IGF1R: variants seen among roughly 807,000 people sequenced by gnomAD.
IGF1R encodes insulin-like growth factor 1 receptor.
In IGF1R, 44 loss-of-function variants were observed where a neutral mutation model predicts 144.6. That is an observed-to-expected ratio of 0.30 (90% CI 0.24 to 0.39). The LOEUF (loss-of-function observed/expected upper bound fraction) is 0.39, where lower values mean the gene tolerates loss of function less well. Among genes scored for constraint, IGF1R ranks in the 10% least tolerant of loss-of-function variants. IGF1R has a pLI of 1.00. For synonymous variants in IGF1R, 795 were observed against 722.8 expected (o/e 1.10, Z -1.60); for missense variants, 1,355 against 1,833.7 (o/e 0.74, Z 4.77).
intron 2 of IGF1R, among the ~76,000 whole-genome samples, chr15:98,809,239 T>C (rs745615368): frequency 6.6e-6 from 1 of 152,244 alleles, no homozygotes; most frequent in Non-Finnish European, 1.5e-5. Context: ...AGAGATTTGC[T>C]GTCTGGCTAG....
chr15:98,857,083 G>C (rs1032526061), intron 2 of IGF1R, among the ~76,000 whole-genome samples: 9 of 152,090 alleles, frequency 5.9e-5, no homozygotes, highest in Non-Finnish European at 1.2e-4. Flanking sequence ...GCTTAGGAGA[G>C]AATGTATACT....
intron 2 of IGF1R, among the ~76,000 whole-genome samples, chr15:98,747,854 CTG>C (rs529620975): frequency 6.6e-6 from 1 of 151,690 alleles, no homozygotes. Context: ...TGGGAAATGA[CTG>C]TTAAAAATAC....
At chr15:98,850,013 A>T (rs891652426) in intron 2 of IGF1R, among the ~76,000 whole-genome samples, 8 of 152,216 alleles carry the variant, frequency 5.3e-5, no homozygotes, top group Admixed American at 5.2e-4. Flanking sequence ...GTATTCTTTG[A>T]CCCACCAATC....
chr15:98,787,791 GA>G (rs1387426105), intron 2 of IGF1R, among the ~76,000 whole-genome samples: 1 of 152,134 alleles, frequency 6.6e-6, no homozygotes, highest in Non-Finnish European at 1.5e-5. Context: ...GAAAGAATTG[GA>G]ACACTCAGCT....
At chr15:98,899,932 A>G (rs3743259) in intron 5 of IGF1R, among the ~76,000 whole-genome samples, 53,772 of 152,018 alleles carry the variant, frequency 0.35, 10,021 homozygotes, top group East Asian at 0.56. Context: ...TCTGCCAAGA[A>G]TGACAGCAGT....
chr15:98,957,419 C>A lies in IGF1R; in HGVS notation c.4081C>A (p.Leu1361Met). 6.2e-7 allele frequency: 1 copy of A among 1,613,190 alleles called. No individual in the cohort carries two copies. Among genetic ancestry groups the A allele is most frequent in the Non-Finnish European group, 8.5e-7 (1 of 1,180,052 alleles). ...CCGCAAGAACGAGCGGGCCTTGCCGCTGCCCCAGTCTTCGACCTGCTGATC... is the reference window on the plus strand; with the variant it reads ...CCGCAAGAACGAGCGGGCCTTGCCGATGCCCCAGTCTTCGACCTGCTGATC... ...GGRKNERALP[L>M]PQSSTC is the part of the protein sequence containing the mutation. Residue 1361 changes from leucine (L) to methionine (M), a missense_variant, in exon 21 of 21, where the codon CTG (leucine) becomes ATG (methionine). Leu to Met is a conservative substitution (Grantham distance 15). This residue lies in a region of IGF1R where 219 missense variants were observed against 188.8 expected (regional missense o/e 1.16). Transcript: ENST00000650285.
intron 2 of IGF1R, among the ~76,000 whole-genome samples, chr15:98,715,504 T>G (rs1249621712): frequency 1.3e-5 from 2 of 152,250 alleles, no homozygotes; most frequent in African/African-American, 4.8e-5. Flanking sequence ...CTTCCTGTGC[T>G]TGAAAAGCCT....
At chr15:98,932,312 G>A (rs2015975722) in intron 15 of IGF1R, among the ~76,000 whole-genome samples, 1 of 152,182 alleles carries the variant, frequency 6.6e-6, no homozygotes, top group African/African-American at 2.4e-5. Flanking sequence ...GCAACAAAAT[G>A]ACATTGCAGT....
At chr15:98,747,236 A>G (rs1306371590) in intron 2 of IGF1R, among the ~76,000 whole-genome samples, 1 of 151,956 alleles carries the variant, frequency 6.6e-6, no homozygotes, top group Non-Finnish European at 1.5e-5. Flanking sequence ...CACTCTTGTC[A>G]CCCAGGCTGG....
chr15:98,736,086 A>C (rs1367201657), intron 2 of IGF1R, among the ~76,000 whole-genome samples: 1 of 152,232 alleles, frequency 6.6e-6, no homozygotes, highest in Non-Finnish European at 1.5e-5. Context: ...TTTATTAAAA[A>C]GAAAAACAAT....
intron 5 of IGF1R, among the ~76,000 whole-genome samples, chr15:98,907,054 G>C (rs536837709): frequency 1.3e-4 from 20 of 152,300 alleles, no homozygotes; most frequent in African/African-American, 4.6e-4. Context: ...GATGTCACCT[G>C]TGCATTCCCC....
chr15:98,845,776 T>G (rs1175081428), intron 2 of IGF1R, among the ~76,000 whole-genome samples: 2 of 152,082 alleles, frequency 1.3e-5, no homozygotes, highest in East Asian at 3.9e-4. Context: ...AATTCTTGTT[T>G]GCCCATAAGT....
At chr15:98,832,280 G>A (rs2057015906) in intron 2 of IGF1R, among the ~76,000 whole-genome samples, 1 of 152,178 alleles carries the variant, frequency 6.6e-6, no homozygotes, top group Admixed American at 6.5e-5. Context: ...GTTAAGAGGT[G>A]TCTTAAAACA....
chr15:98,712,288 T>C (rs1269409328), intron 2 of IGF1R, among the ~76,000 whole-genome samples: 2 of 152,198 alleles, frequency 1.3e-5, no homozygotes, highest in Non-Finnish European at 1.5e-5. Flanking sequence ...CCAGGACTTG[T>C]CATTCATATC....
chr15:98,914,767 G>A (rs1330704626), intron 8 of IGF1R, among the ~76,000 whole-genome samples: 2 of 151,862 alleles, frequency 1.3e-5, no homozygotes, highest in Non-Finnish European at 2.9e-5. Context: ...TTTGTCCTCT[G>A]TCCTTACACG....
In IGF1R at chr15:98,891,935, G is replaced by C. The variant is rs1476081475; in HGVS notation, c.953+298G>C. Reference sequence around the variant, plus strand: ...TACCCAGAGTTCATAGTCTCTCTGGGTACTTGCCAAGCTGCCATCTAAGAG... The same window carrying C: ...TACCCAGAGTTCATAGTCTCTCTGGCTACTTGCCAAGCTGCCATCTAAGAG... On this transcript the variant is annotated intron_variant, in intron 3 of 20. Transcript: ENST00000650285. The surrounding 1 kb of genome is among the most constrained non-coding windows in gnomAD (Gnocchi z 4.7). Among the ~76,000 whole-genome samples the C allele has an allele frequency of 1.3e-5, 2 of 152,146 alleles. No individual in the cohort carries two copies.
intron 2 of IGF1R, among the ~76,000 whole-genome samples, chr15:98,869,791 C>A (rs772239943): frequency 2.6e-5 from 4 of 152,212 alleles, no homozygotes; most frequent in Admixed American, 2.6e-4. Context: ...TATGTGCACA[C>A]CTGCCTCCCC....
chr15:98,887,097 T>C (rs537520811), intron 2 of IGF1R, among the ~76,000 whole-genome samples: 2 of 152,246 alleles, frequency 1.3e-5, no homozygotes, highest in East Asian at 3.9e-4. Flanking sequence ...AAGAAGTTGC[T>C]CTGTATATAA....
Position 98,957,534 on chromosome 15 carries a change from C to T in IGF1R, c.*92C>T, listed in dbSNP as rs1047491214. ...AGAGTTTTAACAATCCATTCACAAG[C>T]CTCCTGTACCTCAGTGGATCTTCAG... On this transcript the variant is annotated 3_prime_UTR_variant, in exon 21 of 21. Transcript: ENST00000650285. 3 of 1,510,364 alleles carry T rather than the reference C, an allele frequency of 2.0e-6. No individual in the cohort carries two copies. Among genetic ancestry groups the T allele is most frequent in the Non-Finnish European group, 2.7e-6 (3 of 1,095,990 alleles). 93.6% of individuals were successfully genotyped at this position (1,510,364 alleles called of 1,614,324 possible).
Sources: allele counts gnomAD v4.1 joint callset (sites outside exome capture counted in the v4.1 genomes callset), GRCh38; gene constraint gnomAD v4.1.1; regional missense constraint gnomAD v4.1.1; non-coding constraint Gnocchi (gnomAD v3.1); transcripts MANE v1.5; gene names NCBI Gene and HGNC (gene_info 2026-07-23, HGNC 2026-07-21).